FSHR: variants seen among roughly 807,000 people sequenced by gnomAD.
The protein encoded by FSHR is follicle stimulating hormone receptor, also known as follicle-stimulating hormone receptor.
Under a neutral mutation model 52.1 loss-of-function variants are expected in FSHR, and 46 were observed. The ratio of observed to expected loss-of-function variants is 0.88; its 90% confidence interval spans 0.70 to 1.13. The LOEUF is 1.13. FSHR is among the 50% of genes most tolerant of loss of function. FSHR has a pLI of 0.00. For synonymous variants in FSHR, 399 were observed against 309.6 expected, an observed-to-expected ratio of 1.29 and a Z score of -3.03; for missense variants, 964 against 834.6, an observed-to-expected ratio of 1.16 and a Z score of -1.91.
intron 2 of FSHR, among the ~76,000 whole-genome samples, chr2:49,050,012 A>T (rs554012908): frequency 6.6e-6 from 1 of 152,246 alleles, no homozygotes; most frequent in Non-Finnish European, 1.5e-5. Flanking sequence ...CTTAATGGAA[A>T]CACTAAAACC....
intron 8 of FSHR, among the ~76,000 whole-genome samples, chr2:48,977,226 G>A (rs992225025): frequency 5.3e-5 from 8 of 152,054 alleles, no homozygotes; most frequent in African/African-American, 1.9e-4. Flanking sequence ...CATAAATCAT[G>A]GCACAGTGAG....
chr2:49,014,727 A>G (rs1331835749), intron 4 of FSHR: 2 of 224,336 alleles, frequency 8.9e-6, no homozygotes. Context: ...CAGATATGCT[A>G]TTATTATCAT....
intron 2 of FSHR, among the ~76,000 whole-genome samples, chr2:49,058,180 A>G (rs986013325): frequency 6.6e-6 from 1 of 152,200 alleles, no homozygotes; most frequent in Non-Finnish European, 1.5e-5. Context: ...CAATTGGGCA[A>G]GAGGAAGAAA....
chr2:49,097,980 C>A (rs1351090399), intron 1 of FSHR, among the ~76,000 whole-genome samples: 1 of 151,920 alleles, frequency 6.6e-6, no homozygotes, highest in Non-Finnish European at 1.5e-5. Context: ...TGGTATCTAC[C>A]ATTATATATC....
chr2:49,031,328 T>C (rs987927818), intron 2 of FSHR, among the ~76,000 whole-genome samples: 4 of 152,216 alleles, frequency 2.6e-5, no homozygotes, highest in African/African-American at 7.2e-5. Flanking sequence ...TTTCAGGTAA[T>C]GGGGATCCTG....
Position 49,154,402 on chromosome 2 carries a change from C to G in FSHR, c.16G>C (p.Val6Leu). 1 of 1,612,600 alleles carries G rather than the reference C, an allele frequency of 6.2e-7. No individual in the cohort carries two copies. Residue 6 changes from valine to leucine, a missense_variant, in exon 1 of 10, where the codon GTC (valine) becomes CTC (leucine). By Grantham distance (32) the Val-to-Leu change is conservative (BLOSUM62 1). Transcript: ENST00000406846. ...AAGCTCAGGAATGCCAGCAAAGAGA[C>G]CAGGAGCAGGGCCATAATTATGCAT... Reference protein sequence around the residue: MALLLVSLLAFLSLGS... With the variant: MALLLLSLLAFLSLGS...
In FSHR at chr2:49,118,253, G is replaced by T. The variant is rs529410847; in HGVS notation, c.152+36013C>A. ...AGGAAAGGAGGAAAGGAGCAAGGAG[G>T]GGGAGGGAGCACAGAGGTTTCAGAG... On this transcript the variant is annotated intron_variant, in intron 1 of 9. Coordinates refer to ENST00000406846, the MANE Select transcript of FSHR (RefSeq NM_000145.4). Among the ~76,000 whole-genome samples the T allele has an allele frequency of 7.9e-4, 121 of 152,224 alleles. 4 individuals carry two copies. The South Asian group carries it at 8.3e-3, about 10-fold the overall frequency.
At chr2:48,983,947 C>G (rs1464572807) in intron 6 of FSHR, among the ~76,000 whole-genome samples, 1 of 152,136 alleles carries the variant, frequency 6.6e-6, no homozygotes, top group Non-Finnish European at 1.5e-5. Flanking sequence ...CTGCCTTGCT[C>G]TGCTCCTGAG....
At chr2:49,011,031 A>T (rs1240929708) in intron 4 of FSHR, among the ~76,000 whole-genome samples, 1 of 150,164 alleles carries the variant, frequency 6.7e-6, no homozygotes, top group African/African-American at 2.4e-5. Context: ...TATTTCCTTC[A>T]GTTCTGCTCT....
chr2:48,973,192 T>A (rs1395822643), intron 8 of FSHR, among the ~76,000 whole-genome samples: 2 of 152,182 alleles, frequency 1.3e-5, no homozygotes, highest in East Asian at 3.9e-4. Flanking sequence ...GGTAAAAGCC[T>A]AAACCATGCA....
At chr2:49,098,111 G>T (rs879579862) in intron 1 of FSHR, among the ~76,000 whole-genome samples, 1 of 152,068 alleles carries the variant, frequency 6.6e-6, no homozygotes, top group Non-Finnish European at 1.5e-5. Flanking sequence ...TAGTTTAAGT[G>T]TGCACAGATA....
chr2:49,137,945 C>G (rs1362622394), intron 1 of FSHR, among the ~76,000 whole-genome samples: 1 of 152,058 alleles, frequency 6.6e-6, no homozygotes, highest in Non-Finnish European at 1.5e-5. Context: ...TAAAAAAATA[C>G]TTTGAATGTT....
chr2:49,128,870 G>A (rs572025415), intron 1 of FSHR, among the ~76,000 whole-genome samples: 9 of 152,168 alleles, frequency 5.9e-5, no homozygotes, highest in South Asian at 2.1e-4. Context: ...GATATCAGAA[G>A]ACAGGAGAAT....
At chr2:49,054,358 T>A (rs1668977542) in intron 2 of FSHR, among the ~76,000 whole-genome samples, 2 of 151,890 alleles carry the variant, frequency 1.3e-5, no homozygotes, top group Admixed American at 6.6e-5. Flanking sequence ...TGCACCCACA[T>A]CCTGAATCTA....
rs903730200 is a variant in FSHR, at chr2:48,990,478, T to A, written c.446+88A>T. 52 of 873,132 alleles carry A rather than the reference T, an allele frequency of 6.0e-5. 1 individual carries two copies. The South Asian group carries it at 6.7e-4, about 11-fold the overall frequency. 54.1% of individuals were successfully genotyped at this position (873,132 alleles called of 1,614,324 possible). A position where few individuals can be genotyped will look rare whatever the true frequency, so the allele number is the denominator to read the frequency against. ...AGCAATACATTTGGAGGATGTAGAC[T>A]ACACAATGCATATTAAAGGCCCAGA... On this transcript the variant is annotated intron_variant, in intron 5 of 9. Coordinates refer to ENST00000406846, the MANE Select transcript of FSHR (RefSeq NM_000145.4).
At chr2:49,003,094 G>C (rs184435907) in intron 4 of FSHR, among the ~76,000 whole-genome samples, 11 of 152,270 alleles carry the variant, frequency 7.2e-5, no homozygotes, top group Admixed American at 4.6e-4. Context: ...ATTGTTTTCT[G>C]TGGGTGAGCT....
At chr2:49,084,421 T>C (rs891352433) in intron 1 of FSHR, among the ~76,000 whole-genome samples, 1 of 151,792 alleles carries the variant, frequency 6.6e-6, no homozygotes, top group Non-Finnish European at 1.5e-5. Context: ...CACCCTAACA[T>C]CACAATTAAA....
At chr2:49,009,341 A>T (rs912057905) in intron 4 of FSHR, among the ~76,000 whole-genome samples, 4 of 151,932 alleles carry the variant, frequency 2.6e-5, no homozygotes, top group African/African-American at 9.7e-5. Flanking sequence ...AGTTGTAGAT[A>T]TGCAGCGTTA....
intron 1 of FSHR, among the ~76,000 whole-genome samples, chr2:49,073,882 C>T (rs1348598509): frequency 1.3e-5 from 2 of 151,996 alleles, no homozygotes; most frequent in African/African-American, 2.4e-5. Context: ...AGAAAATAAT[C>T]CATGTATTGA....
Sources: gnomAD v4.1 joint callset for allele counts (sites outside exome capture counted in the v4.1 genomes callset) on GRCh38, gnomAD v4.1.1 for gene constraint, MANE v1.5 for transcripts, NCBI Gene and HGNC (gene_info 2026-07-23, HGNC 2026-07-21) for gene names.